CNTN5: variants seen among roughly 807,000 people sequenced by gnomAD.
The protein encoded by CNTN5 is contactin 5.
CNTN5 carries 77 observed loss-of-function variants against 129.1 expected under a neutral mutation model. The observed-to-expected ratio is 0.60, with a 90% CI of 0.50 to 0.72. The LOEUF (loss-of-function observed/expected upper bound fraction) is 0.72, where lower values mean the gene tolerates loss of function less well. CNTN5 is among the 30% of genes least tolerant of loss of function. The pLI is 0.00. For missense variants in CNTN5, 1,478 were observed against 1,328.8 expected (o/e 1.11, Z -1.75); for synonymous variants, 509 against 465.6 (o/e 1.09, Z -1.20).
chr11:99,906,994 G>A (rs1212711713), intron 6 of CNTN5, among the ~76,000 whole-genome samples: 1 of 151,890 alleles, frequency 6.6e-6, no homozygotes. Context: ...TTTTTATTGT[G>A]TCTATTTGAT....
intron 2 of CNTN5, among the ~76,000 whole-genome samples, chr11:99,523,613 A>C (rs1418343668): frequency 2.6e-5 from 1 of 38,404 alleles, no homozygotes; most frequent in Non-Finnish European, 5.1e-5. Context: ...ATAGAATAGA[A>C]TAGAATAGAA....
At chr11:100,316,400 G>T (rs768901438) in intron 21 of CNTN5, among the ~76,000 whole-genome samples, 2 of 152,132 alleles carry the variant, frequency 1.3e-5, no homozygotes, top group Non-Finnish European at 2.9e-5. Flanking sequence ...ATTGAGGGAG[G>T]TTTATGGGAA....
At chr11:99,548,381 G>C (rs1948370705) in intron 2 of CNTN5, among the ~76,000 whole-genome samples, 1 of 152,324 alleles carries the variant, frequency 6.6e-6, no homozygotes, top group Non-Finnish European at 1.5e-5. Flanking sequence ...TGAGCAGTGA[G>C]AATTTGTAGG....
intron 7 of CNTN5, among the ~76,000 whole-genome samples, chr11:99,951,354 A>G (rs1043217297): frequency 6.6e-6 from 1 of 151,910 alleles, no homozygotes; most frequent in Admixed American, 6.5e-5. Flanking sequence ...TTTTCATAAT[A>G]TCCTCAACTG....
chr11:99,278,916 T>C (rs369516846), intron 1 of CNTN5, among the ~76,000 whole-genome samples: 3 of 151,844 alleles, frequency 2.0e-5, no homozygotes, highest in East Asian at 3.9e-4. Flanking sequence ...GTCAATATAG[T>C]GGACCGTTCC....
chr11:100,100,642 A>G (rs773002114), intron 13 of CNTN5, among the ~76,000 whole-genome samples: 3 of 152,114 alleles, frequency 2.0e-5, no homozygotes, highest in Non-Finnish European at 4.4e-5. Flanking sequence ...AAATTGATGA[A>G]TCAATCAAAA....
At chr11:99,924,167 G>T (rs1306991602) in intron 7 of CNTN5, among the ~76,000 whole-genome samples, 1 of 152,142 alleles carries the variant, frequency 6.6e-6, no homozygotes, top group Non-Finnish European at 1.5e-5. Context: ...GTTTTCATTT[G>T]CATCTCTCTG....
At position 100,011,711 on chromosome 11, in the gene CNTN5, C is replaced by G. The variant is rs1412720461; in HGVS notation, c.980+9575C>G. Reference sequence around the variant, plus strand: ...ACTCCATCAAATGCCTATTAGGGAACCAGGGTATTAAGTATTTTTTTCTCT... The same window carrying G: ...ACTCCATCAAATGCCTATTAGGGAAGCAGGGTATTAAGTATTTTTTTCTCT... On this transcript the variant is annotated intron_variant, in intron 9 of 24. Coordinates refer to ENST00000524871, the MANE Select transcript of CNTN5 (RefSeq NM_014361.4). 2.0e-5 allele frequency among the ~76,000 whole-genome samples: 3 copies of G among 152,084 alleles called. No homozygotes were observed. The East Asian group carries it at 5.8e-4, about 29-fold the overall frequency.
chr11:99,170,599 C>G (rs1323891660), intron 1 of CNTN5, among the ~76,000 whole-genome samples: 2 of 151,948 alleles, frequency 1.3e-5, no homozygotes, highest in African/African-American at 4.8e-5. Flanking sequence ...ATAGGGTGAG[C>G]CAGAGAGGGA....
intron 6 of CNTN5, among the ~76,000 whole-genome samples, chr11:99,892,936 G>A (rs1021526861): frequency 6.6e-6 from 1 of 152,084 alleles, no homozygotes; most frequent in African/African-American, 2.4e-5. Flanking sequence ...CCATTTTCAC[G>A]ATATTGATTC....
At chr11:99,146,919 A>G (rs543183088) in intron 1 of CNTN5, among the ~76,000 whole-genome samples, 130 of 152,078 alleles carry the variant, frequency 8.5e-4, no homozygotes, top group African/African-American at 3.0e-3. Flanking sequence ...ATGGGTTTTC[A>G]CCATGTTTCC....
chr11:99,365,538 G>A (rs539107684), intron 2 of CNTN5, among the ~76,000 whole-genome samples: 18 of 152,244 alleles, frequency 1.2e-4, no homozygotes, highest in Admixed American at 5.2e-4. Context: ...TATGCTGAAT[G>A]ATCTGGCCAA....
chr11:100,284,810 A>G (rs1008307469), intron 18 of CNTN5, among the ~76,000 whole-genome samples: 2 of 152,240 alleles, frequency 1.3e-5, no homozygotes, highest in Admixed American at 1.3e-4. Context: ...TTCAAATTTT[A>G]ATGAATTATA....
At chr11:99,157,993 C>T (rs776389317) in intron 1 of CNTN5, among the ~76,000 whole-genome samples, 14 of 152,078 alleles carry the variant, frequency 9.2e-5, no homozygotes, top group East Asian at 1.9e-4. Flanking sequence ...ATTTAATTCA[C>T]TACCTTTGTG....
At chr11:99,860,435 A>G (rs1028935784) in intron 6 of CNTN5, among the ~76,000 whole-genome samples, 1 of 152,114 alleles carries the variant, frequency 6.6e-6, no homozygotes, top group Non-Finnish European at 1.5e-5. Context: ...TCTTATAGCT[A>G]TAGGTCTTAC....
intron 7 of CNTN5, among the ~76,000 whole-genome samples, chr11:99,918,309 T>C (rs1452053785): frequency 6.6e-6 from 1 of 152,122 alleles, no homozygotes; most frequent in Non-Finnish European, 1.5e-5. Context: ...TCTATTCAGT[T>C]TAATATTACT....
intron 7 of CNTN5, among the ~76,000 whole-genome samples, chr11:99,953,916 G>A (rs189063577): frequency 3.9e-4 from 60 of 152,130 alleles, no homozygotes; most frequent in African/African-American, 1.3e-3. Flanking sequence ...TTCTTTTCCC[G>A]TGCCTATGTC....
intron 3 of CNTN5, among the ~76,000 whole-genome samples, chr11:99,727,744 T>A (rs1943400729): frequency 6.6e-6 from 1 of 152,132 alleles, no homozygotes; most frequent in Admixed American, 6.5e-5. Flanking sequence ...GCCATCCACA[T>A]ACATAAGTTA....
intron 3 of CNTN5, among the ~76,000 whole-genome samples, chr11:99,761,793 C>T (rs1208441720): frequency 8.2e-6 from 1 of 122,486 alleles, no homozygotes; most frequent in African/African-American, 3.1e-5. Context: ...AATGGGATGG[C>T]TGGGTCAAAT....
Sources: allele counts gnomAD v4.1 joint callset (sites outside exome capture counted in the v4.1 genomes callset), GRCh38; gene constraint gnomAD v4.1.1; transcripts MANE v1.5; gene names NCBI Gene and HGNC (gene_info 2026-07-23, HGNC 2026-07-21).